The following CACNB2 variants were observed in gnomAD, a reference collection of about 807,000 sequenced individuals.
CACNB2 encodes calcium voltage-gated channel auxiliary subunit beta 2.
A neutral mutation model predicts 73.3 loss-of-function variants in CACNB2; 42 were observed. The ratio of observed to expected loss-of-function variants is 0.57; its 90% CI spans 0.45 to 0.74. The LOEUF is 0.74. Ranked by LOEUF, CACNB2 falls within the 30% of genes least tolerant of loss-of-function variation. The pLI is 0.00. For missense variants in CACNB2, 940 were observed against 853.0 expected (o/e 1.10, Z -1.27); for synonymous variants, 348 against 310.3 (o/e 1.12, Z -1.28).
chr10:18,340,136 T>C (rs1322878144), intron 2 of CACNB2, among the ~76,000 whole-genome samples: 2 of 152,230 alleles, frequency 1.3e-5, no homozygotes, highest in Non-Finnish European at 2.9e-5. Flanking sequence ...TTTTGATTTA[T>C]AGGAGTTCTA....
chr10:18,517,711 A>G (rs1343106318), intron 7 of CACNB2, among the ~76,000 whole-genome samples: 3 of 152,226 alleles, frequency 2.0e-5, no homozygotes, highest in Non-Finnish European at 1.5e-5. Flanking sequence ...AGCTGTGAGC[A>G]GGGATCATGA....
chr10:18,483,950 G>A (rs1202545169), intron 3 of CACNB2, among the ~76,000 whole-genome samples: 2 of 152,196 alleles, frequency 1.3e-5, no homozygotes, highest in Non-Finnish European at 2.9e-5. Flanking sequence ...GGTGACAAAA[G>A]CGAAAACAAC....
chr10:18,302,099 T>C (rs2039542975), intron 2 of CACNB2, among the ~76,000 whole-genome samples: 1 of 152,146 alleles, frequency 6.6e-6, no homozygotes, highest in Admixed American at 6.5e-5. Flanking sequence ...AATAGCATAG[T>C]AATTGATTTA....
intron 2 of CACNB2, among the ~76,000 whole-genome samples, chr10:18,184,490 A>G (rs548051684): frequency 4.3e-4 from 66 of 152,124 alleles, no homozygotes; most frequent in Non-Finnish European, 8.1e-4. Context: ...ATGAACTAAT[A>G]CTGATATACT....
chr10:18,471,027 G>T (rs190293303), intron 3 of CACNB2, among the ~76,000 whole-genome samples: 1 of 152,074 alleles, frequency 6.6e-6, no homozygotes, highest in Non-Finnish European at 1.5e-5. Flanking sequence ...ACACAGGGCC[G>T]GGTGCGGTGG....
chr10:18,166,759 G>C (rs184652869), intron 2 of CACNB2, among the ~76,000 whole-genome samples: 3 of 152,192 alleles, frequency 2.0e-5, no homozygotes, highest in Non-Finnish European at 2.9e-5. Context: ...TAGGGGGAGC[G>C]GGGAGGGATA....
At chr10:18,198,908 T>C (rs2034747427) in intron 2 of CACNB2, among the ~76,000 whole-genome samples, 1 of 152,202 alleles carries the variant, frequency 6.6e-6, no homozygotes, top group Non-Finnish European at 1.5e-5. Context: ...ATGTTAAAAT[T>C]CACTCATTAA....
intron 2 of CACNB2, among the ~76,000 whole-genome samples, chr10:18,375,223 A>C (rs548963758): frequency 2.6e-5 from 4 of 152,288 alleles, no homozygotes; most frequent in Non-Finnish European, 5.9e-5. Context: ...AAAATAAAAA[A>C]TAATTGGGAG....
At chr10:18,292,091 A>G (rs1470866654) in intron 2 of CACNB2, among the ~76,000 whole-genome samples, 2 of 152,216 alleles carry the variant, frequency 1.3e-5, no homozygotes, top group Non-Finnish European at 2.9e-5. Flanking sequence ...TGATTTTAAC[A>G]TGTTTTCAAC....
chr10:18,223,141 T>C (rs2035859034), intron 2 of CACNB2, among the ~76,000 whole-genome samples: 1 of 152,206 alleles, frequency 6.6e-6, no homozygotes, highest in Non-Finnish European at 1.5e-5. Flanking sequence ...TTAAATAGGA[T>C]TTTGAGCATT....
chr10:18,239,511 G>A (rs367951043), intron 2 of CACNB2, among the ~76,000 whole-genome samples: 58 of 152,186 alleles, frequency 3.8e-4, no homozygotes, highest in African/African-American at 1.3e-3. Context: ...CCTGGTGTGC[G>A]TATATGTGTG....
At chr10:18,357,091 C>T (rs1483200674) in intron 2 of CACNB2, among the ~76,000 whole-genome samples, 5 of 150,338 alleles carry the variant, frequency 3.3e-5, no homozygotes, top group South Asian at 2.1e-4. Context: ...ACTACAGGCG[C>T]GCACCACCAT....
chr10:18,316,130 G>T (rs2040174153), intron 2 of CACNB2, among the ~76,000 whole-genome samples: 1 of 152,020 alleles, frequency 6.6e-6, no homozygotes, highest in Non-Finnish European at 1.5e-5. Context: ...CATTATATAT[G>T]TGTGTGTGTA....
chr10:18,519,771 T>C (rs1454478143), intron 9 of CACNB2: 1 of 455,954 alleles, frequency 2.2e-6, no homozygotes, highest in Non-Finnish European at 4.4e-6. Flanking sequence ...TTCTTCAGCC[T>C]ACCCCAGTTA....
chr10:18,442,962 ATATATATGTG>A (rs1346872473), intron 3 of CACNB2, among the ~76,000 whole-genome samples: 552 of 27,782 alleles, frequency 0.02, 21 homozygotes, highest in East Asian at 0.14. Context: ...ATATATGTAT[ATATATATGTG>A]TATATATATA....
intron 2 of CACNB2, among the ~76,000 whole-genome samples, chr10:18,163,065 C>G (rs12414844): frequency 6.6e-6 from 1 of 151,686 alleles, no homozygotes; most frequent in Non-Finnish European, 1.5e-5. Flanking sequence ...AGCAGTGTGC[C>G]GGAGGGGATG....
chr10:18,537,341 A>AATATATGTTAAAATTTAT (rs1376311500), intron 12 of CACNB2, among the ~76,000 whole-genome samples: 1 of 152,138 alleles, frequency 6.6e-6, no homozygotes, highest in Non-Finnish European at 1.5e-5. Context: ...TTGATTGCTT[A>AATATATGTTAAAATTTAT]ATATATGTTA....
At chr10:18,294,390 A>G (rs1417692833) in intron 2 of CACNB2, among the ~76,000 whole-genome samples, 1 of 152,256 alleles carries the variant, frequency 6.6e-6, no homozygotes, top group Non-Finnish European at 1.5e-5. Flanking sequence ...AGGGTTCGAC[A>G]TTCATTCAAC....
intron 3 of CACNB2, among the ~76,000 whole-genome samples, chr10:18,472,008 G>T (rs141965266): frequency 6.6e-6 from 1 of 151,946 alleles, no homozygotes. Context: ...TTCAACTCCC[G>T]TATCTCCCTT....
Sources: allele counts gnomAD v4.1 joint callset (sites outside exome capture counted in the v4.1 genomes callset), GRCh38; gene constraint gnomAD v4.1.1; transcripts MANE v1.5; gene names NCBI Gene and HGNC (gene_info 2026-07-23, HGNC 2026-07-21).